The following ATP8A2 variants were observed in gnomAD, a reference collection of about 807,000 sequenced individuals.
ATP8A2 encodes the protein phospholipid-transporting ATPase IB.
Under a neutral mutation model 165.6 loss-of-function variants are expected in ATP8A2, and 100 were observed. The observed-to-expected ratio is 0.60, with a 90% CI of 0.51 to 0.71. The LOEUF is 0.71. ATP8A2 is among the 30% of genes least tolerant of loss of function. The probability of loss-of-function intolerance (pLI) is 0.00; values close to 1 mark genes in which losing one functional copy is unlikely to be tolerated. For synonymous variants in ATP8A2, 543 were observed against 548.8 expected (o/e 0.99, Z 0.15); for missense variants, 1,227 against 1,479.5 (o/e 0.83, Z 2.80).
intron 1 of ATP8A2, among the ~76,000 whole-genome samples, chr13:25,394,650 C>CT (rs1328086046): frequency 4.6e-5 from 7 of 152,188 alleles, no homozygotes; most frequent in Non-Finnish European, 8.8e-5. Flanking sequence ...TGAAATATGC[C>CT]TTTTGGACTA....
rs9507624 is a variant in ATP8A2 at position 26,025,453 on chromosome 13, G to A, written c.*5468G>A. Reference sequence around the variant, plus strand: ...GTCTTTCTCATGCGAGCAAAGCCACGTGCTCTCCTGTCTGCTGTCACATCT... The same window carrying A: ...GTCTTTCTCATGCGAGCAAAGCCACATGCTCTCCTGTCTGCTGTCACATCT... On this transcript the variant is annotated 3_prime_UTR_variant, in exon 37 of 37. Coordinates refer to ENST00000381655, the MANE Select transcript of ATP8A2 (RefSeq NM_016529.6). The A allele has an allele frequency of 0.031, 4,756 of 152,356 alleles. 85 individuals are homozygous for A. The highest frequency in any genetic ancestry group is 0.048 in the Middle Eastern group (14 of 294). 9.4% of individuals were successfully genotyped at this position (152,356 alleles called of 1,614,324 possible).
chr13:25,776,089 A>G (rs2044735185), intron 27 of ATP8A2, among the ~76,000 whole-genome samples: 1 of 152,372 alleles, frequency 6.6e-6, no homozygotes, highest in South Asian at 2.1e-4. Context: ...AAGCAGAAAC[A>G]TAACCTGTGC....
At chr13:25,522,756 A>G (rs1306573707) in intron 2 of ATP8A2, among the ~76,000 whole-genome samples, 1 of 152,308 alleles carries the variant, frequency 6.6e-6, no homozygotes, top group East Asian at 1.9e-4. Context: ...CCTGAGAAGA[A>G]TTCCACTTGA....
intron 1 of ATP8A2, among the ~76,000 whole-genome samples, chr13:25,441,742 C>G (rs985134831): frequency 1.3e-5 from 2 of 152,152 alleles, no homozygotes; most frequent in African/African-American, 4.8e-5. Flanking sequence ...AATTTTTATG[C>G]AGTAAAATAC....
intron 33 of ATP8A2, among the ~76,000 whole-genome samples, chr13:25,935,834 C>T (rs565265604): frequency 1.8e-5 from 2 of 112,202 alleles, no homozygotes; most frequent in African/African-American, 5.4e-5. Flanking sequence ...CTATATCACT[C>T]CCCAAATAAA....
At chr13:25,550,861 T>A in intron 10 of ATP8A2, among the ~76,000 whole-genome samples, 1 of 152,228 alleles carries the variant, frequency 6.6e-6, no homozygotes, top group Non-Finnish European at 1.5e-5. Context: ...ATTCCTCAAA[T>A]TCTGAGCTCC....
intron 1 of ATP8A2, chr13:25,468,725 G>C (rs1287850361): frequency 1.7e-6 from 1 of 595,116 alleles, no homozygotes; most frequent in East Asian, 1.4e-4. Flanking sequence ...CTCCCGGGGC[G>C]GGGCTCGCTC....
chr13:25,679,085 G>A (rs1260276927), intron 24 of ATP8A2, among the ~76,000 whole-genome samples: 1 of 152,118 alleles, frequency 6.6e-6, no homozygotes, highest in African/African-American at 2.4e-5. Flanking sequence ...TTGGAAACCA[G>A]GTAAGCAATG....
At chr13:25,955,729 C>A (rs968838315) in intron 33 of ATP8A2, among the ~76,000 whole-genome samples, 13 of 152,182 alleles carry the variant, frequency 8.5e-5, no homozygotes, top group African/African-American at 2.9e-4. Flanking sequence ...CCTTCTGGAA[C>A]TATTCCAAAC....
intron 32 of ATP8A2, among the ~76,000 whole-genome samples, chr13:25,861,776 A>G (rs558819649): frequency 6.6e-6 from 1 of 152,340 alleles, no homozygotes; most frequent in South Asian, 2.1e-4. Context: ...CATCACATTA[A>G]GAGGACAAAG....
At chr13:25,701,823 A>G (rs2042957970) in intron 25 of ATP8A2, among the ~76,000 whole-genome samples, 1 of 151,822 alleles carries the variant, frequency 6.6e-6, no homozygotes, top group South Asian at 2.1e-4. Context: ...CTCATAGGCC[A>G]TATACTTGAA....
chr13:25,696,161 A>T (rs980633912), intron 24 of ATP8A2, among the ~76,000 whole-genome samples: 1 of 152,216 alleles, frequency 6.6e-6, no homozygotes, highest in African/African-American at 2.4e-5. Context: ...ATATTTTGAA[A>T]GGAGTCTTTT....
rs1408598834 is a variant in ATP8A2 at position 25,693,252 on chromosome 13, G to A, written c.2212-5921G>A. Among the ~76,000 whole-genome samples the A allele has an allele frequency of 2.0e-5, 3 of 152,284 alleles. No homozygotes were observed. In the East Asian group the frequency reaches 5.8e-4, roughly 29 times the overall value. ...GACTCTTGAATCATAGTCCATTTGA[G>A]AATAAGGAACTGTTTGTGATAGTAA... On this transcript the variant is annotated intron_variant, in intron 24 of 36. Transcript: ENST00000381655.
chr13:25,889,485 T>C (rs985287495), intron 33 of ATP8A2, among the ~76,000 whole-genome samples: 3 of 152,054 alleles, frequency 2.0e-5, no homozygotes, highest in Non-Finnish European at 2.9e-5. Context: ...CTATTCACAC[T>C]TGCTTGAGGC....
intron 32 of ATP8A2, among the ~76,000 whole-genome samples, chr13:25,861,427 A>G (rs1349455578): frequency 6.6e-6 from 1 of 152,200 alleles, no homozygotes; most frequent in Non-Finnish European, 1.5e-5. Flanking sequence ...CATTTACTTC[A>G]TCACTCTCTT....
chr13:25,476,875 T>C (rs1371318536), intron 2 of ATP8A2, among the ~76,000 whole-genome samples: 3 of 152,212 alleles, frequency 2.0e-5, no homozygotes, highest in Admixed American at 1.3e-4. Flanking sequence ...CCAGCAGCAA[T>C]TAATGCCATA....
At chr13:25,461,852 AAGGAGGAGGAGG>A (rs1555274204) in intron 1 of ATP8A2, among the ~76,000 whole-genome samples, 5 of 147,714 alleles carry the variant, frequency 3.4e-5, no homozygotes, top group African/African-American at 1.0e-4. Context: ...GGAGAAGAAG[AAGGAGGAGGAGG>A]AGGAGGAGGA....
intron 23 of ATP8A2, among the ~76,000 whole-genome samples, chr13:25,585,172 G>A (rs2138265639): frequency 6.6e-6 from 1 of 152,250 alleles, no homozygotes; most frequent in Non-Finnish European, 1.5e-5. Context: ...TTGGCATGTT[G>A]CCAGAATCCT....
chr13:25,957,323 C>A (rs1243840204), intron 33 of ATP8A2, among the ~76,000 whole-genome samples: 1 of 152,172 alleles, frequency 6.6e-6, no homozygotes, highest in Admixed American at 6.5e-5. Context: ...TCAGAGTGAA[C>A]AGGCGACCTA....
Sources: gnomAD v4.1 joint callset for allele counts (sites outside exome capture counted in the v4.1 genomes callset) on GRCh38, gnomAD v4.1.1 for gene constraint, MANE v1.5 for transcripts, NCBI Gene and HGNC (gene_info 2026-07-23, HGNC 2026-07-21) for gene names.